The following TYR variants were observed in gnomAD, a reference collection of about 807,000 sequenced individuals.
TYR encodes tyrosinase, also known as LB24-AB.
TYR carries 58 observed loss-of-function variants against 51.5 expected under a neutral mutation model. The ratio of observed to expected loss-of-function variants is 1.13; its 90% CI spans 0.91 to 1.40. TYR has a LOEUF of 1.40. Among genes scored for constraint, TYR ranks in the 40% most tolerant of loss-of-function variants. The probability of loss-of-function intolerance (pLI) is 0.00; values close to 1 mark genes in which losing one functional copy is unlikely to be tolerated. For synonymous variants in TYR, 263 were observed against 235.2 expected (o/e 1.12, Z -1.08); for missense variants, 732 against 647.4 (o/e 1.13, Z -1.42).
chr11:89,225,446 A>C (rs974186209), intron 2 of TYR, among the ~76,000 whole-genome samples: 1 of 151,820 alleles, frequency 6.6e-6, no homozygotes, highest in African/African-American at 2.4e-5. Context: ...CCTATCTAAC[A>C]AAAAATTTGT....
chr11:89,290,490 AT>A (rs1185118998), intron 4 of TYR, among the ~76,000 whole-genome samples: 1 of 152,056 alleles, frequency 6.6e-6, no homozygotes, highest in East Asian at 1.9e-4. Context: ...TTTTTTGGAC[AT>A]TTTAAATGTA....
At chr11:89,235,804 T>C (rs76693225) in intron 3 of TYR, among the ~76,000 whole-genome samples, 3,755 of 152,180 alleles carry the variant, frequency 0.025, 166 homozygotes, top group African/African-American at 0.086. Context: ...ATATATTGTA[T>C]CTTTTAAGAT....
At chr11:89,290,852 T>G (rs1944845823) in intron 4 of TYR, among the ~76,000 whole-genome samples, 1 of 152,000 alleles carries the variant, frequency 6.6e-6, no homozygotes, top group Non-Finnish European at 1.5e-5. Flanking sequence ...CTTCTGTGTA[T>G]GTTCTACATA....
chr11:89,202,277 G>T (rs553761228), intron 2 of TYR, among the ~76,000 whole-genome samples: 100 of 152,178 alleles, frequency 6.6e-4, no homozygotes, highest in African/African-American at 2.3e-3. Context: ...TGTTGAGGTT[G>T]TCTACAGTGG....
intron 2 of TYR, among the ~76,000 whole-genome samples, chr11:89,203,906 C>A (rs1270178124): frequency 6.6e-6 from 1 of 152,208 alleles, no homozygotes; most frequent in Non-Finnish European, 1.5e-5. Flanking sequence ...AATCCCCACC[C>A]AAGTCAGCAA....
At chr11:89,278,238 G>A (rs1273199840) in intron 3 of TYR, among the ~76,000 whole-genome samples, 1 of 151,594 alleles carries the variant, frequency 6.6e-6, no homozygotes, top group African/African-American at 2.4e-5. Flanking sequence ...CCACAGACCA[G>A]ATGAGGCTTC....
intron 3 of TYR, among the ~76,000 whole-genome samples, chr11:89,275,854 A>C (rs1358522180): frequency 6.6e-6 from 1 of 151,920 alleles, no homozygotes; most frequent in Non-Finnish European, 1.5e-5. Context: ...ACAAGAATAG[A>C]CTATAGTCTG....
chr11:89,207,484 A>G (rs1170208143), intron 2 of TYR, among the ~76,000 whole-genome samples: 1 of 152,174 alleles, frequency 6.6e-6, no homozygotes, highest in African/African-American at 2.4e-5. Flanking sequence ...TTTTAAAACT[A>G]CCAAAATAGA....
chr11:89,285,046 T>C (rs1944767765), intron 4 of TYR, 92 bp downstream of exon 4: 7 of 1,075,944 alleles, frequency 6.5e-6, no homozygotes, highest in Admixed American at 3.6e-5. Flanking sequence ...GACAATGTTA[T>C]TCCTGAACAC....
intron 2 of TYR, among the ~76,000 whole-genome samples, chr11:89,191,808 G>A (rs893978324): frequency 6.6e-6 from 1 of 152,098 alleles, no homozygotes; most frequent in Admixed American, 6.6e-5. Flanking sequence ...CAGCTTTAGT[G>A]AAATATATGA....
At chr11:89,195,365 G>GT (rs1337833031) in intron 2 of TYR, among the ~76,000 whole-genome samples, 1 of 152,112 alleles carries the variant, frequency 6.6e-6, no homozygotes, top group African/African-American at 2.4e-5. Context: ...GTGAAGATGT[G>GT]TAATTTGTGA....
chr11:89,278,653 G>A (rs540373429), intron 3 of TYR, among the ~76,000 whole-genome samples: 51 of 151,622 alleles, frequency 3.4e-4, no homozygotes, highest in African/African-American at 1.2e-3. Context: ...AGAACGGAGA[G>A]TTCCTACATT....
intron 3 of TYR, among the ~76,000 whole-genome samples, chr11:89,268,757 T>C (rs1944554531): frequency 6.6e-6 from 1 of 151,884 alleles, no homozygotes; most frequent in African/African-American, 2.4e-5. Context: ...GCATAAGGCC[T>C]TTCACAGTGT....
rs758384133 is a variant in TYR at position 89,178,003 on chromosome 11, C to A, written c.50C>A (p.Ala17Asp). The stretch of plus-strand genomic sequence containing the variant: ...CTGCTGTGGAGTTTCCAGACCTCCG[C>A]TGGCCATTTCCCTAGAGCCTGTGTC... ...YCLLWSFQTSAGHFPRACVSS... is the reference protein window; with the variant it reads ...YCLLWSFQTSDGHFPRACVSS... The change falls in exon 1 of 5, where the codon GCT (alanine) becomes GAT (aspartate). Residue 17 changes from alanine to aspartate, a missense_variant. Physicochemically the swap from Ala to Asp is moderately radical, Grantham distance 126. Transcript: ENST00000263321. 6 of 1,614,194 alleles carry A rather than the reference C, an allele frequency of 3.7e-6. No homozygotes were observed. The highest frequency in any genetic ancestry group is 5.1e-6 in the Non-Finnish European group (6 of 1,180,022).
At chr11:89,180,813 A>G (rs897467259) in intron 1 of TYR, among the ~76,000 whole-genome samples, 1 of 152,074 alleles carries the variant, frequency 6.6e-6, no homozygotes, top group Non-Finnish European at 1.5e-5. Context: ...GTCAAACCCC[A>G]CTCACATTGG....
intron 4 of TYR, among the ~76,000 whole-genome samples, chr11:89,287,539 C>A (rs1258937364): frequency 1.3e-5 from 2 of 151,836 alleles, no homozygotes; most frequent in African/African-American, 4.8e-5. Flanking sequence ...AAGATCTTAA[C>A]TGCTTGCTGA....
chr11:89,211,501 T>C (rs1007458135), intron 2 of TYR, among the ~76,000 whole-genome samples: 7 of 152,100 alleles, frequency 4.6e-5, no homozygotes, highest in Non-Finnish European at 7.4e-5. Context: ...ACAATAATAG[T>C]GGGAGACTTT....
intron 2 of TYR, among the ~76,000 whole-genome samples, chr11:89,206,986 G>C (rs571325725): frequency 6.6e-6 from 1 of 151,974 alleles, no homozygotes; most frequent in Non-Finnish European, 1.5e-5. Flanking sequence ...GTGCTGAGAG[G>C]GGGAAGTATA....
At chr11:89,180,573 A>G (rs1314469907) in intron 1 of TYR, among the ~76,000 whole-genome samples, 2 of 152,064 alleles carry the variant, frequency 1.3e-5, no homozygotes, top group African/African-American at 4.8e-5. Flanking sequence ...AAAGTGTGTC[A>G]AGTCAGTAAG....
Sources: allele counts gnomAD v4.1 joint callset (sites outside exome capture counted in the v4.1 genomes callset), GRCh38; gene constraint gnomAD v4.1.1; transcripts MANE v1.5; gene names NCBI Gene and HGNC (gene_info 2026-07-23, HGNC 2026-07-21).